LHPP: variants seen among roughly 807,000 people sequenced by gnomAD.
The protein encoded by LHPP is phospholysine phosphohistidine inorganic pyrophosphate phosphatase.
Under a neutral mutation model 30.3 loss-of-function variants are expected in LHPP, and 24 were observed. The observed-to-expected ratio is 0.79, with a 90% CI of 0.57 to 1.11. The LOEUF (loss-of-function observed/expected upper bound fraction) is 1.11, where lower values mean the gene tolerates loss of function less well. Among genes scored for constraint, LHPP ranks in the 50% most tolerant of loss-of-function variants. The pLI is 0.00. For missense variants in LHPP, 356 were observed against 367.2 expected (o/e 0.97, Z 0.25); for synonymous variants, 150 against 157.1 (o/e 0.95, Z 0.34).
At chr10:124,464,661 G>A (rs1952507710) in intron 1 of LHPP, among the ~76,000 whole-genome samples, 1 of 152,180 alleles carries the variant, frequency 6.6e-6, no homozygotes, top group African/African-American at 2.4e-5. Context: ...GGCACTGGTG[G>A]GAATCCAGCA....
At chr10:124,588,735 A>C (rs1193840891) in intron 6 of LHPP, among the ~76,000 whole-genome samples, 3 of 152,180 alleles carry the variant, frequency 2.0e-5, no homozygotes, top group African/African-American at 7.2e-5. Flanking sequence ...AGGTGACAGC[A>C]GCTTGCAGAG....
At chr10:124,552,809 C>T (rs1047187085) in intron 6 of LHPP, among the ~76,000 whole-genome samples, 1 of 152,216 alleles carries the variant, frequency 6.6e-6, no homozygotes, top group African/African-American at 2.4e-5. Context: ...ACAATCAGGA[C>T]GATCCCTTTA....
At chr10:124,569,328 T>G (rs911954036) in intron 6 of LHPP, among the ~76,000 whole-genome samples, 38 of 152,296 alleles carry the variant, frequency 2.5e-4, no homozygotes, top group African/African-American at 8.7e-4. Context: ...AATGAGGCCT[T>G]TCACCCCGTC....
At chr10:124,551,136 A>G (rs573485182) in intron 6 of LHPP, among the ~76,000 whole-genome samples, 2 of 152,246 alleles carry the variant, frequency 1.3e-5, no homozygotes, top group South Asian at 2.1e-4. Context: ...CAGTGTCTCC[A>G]TGAAGTTGGG....
chr10:124,475,028 G>GTTTTTTTTTTTTTTT (rs536621289), intron 1 of LHPP, among the ~76,000 whole-genome samples: 8 of 9,640 alleles, frequency 8.3e-4, no homozygotes, highest in Admixed American at 2.9e-3. Flanking sequence ...TGCTTCTCAT[G>GTTTTTTTTTTTTTTT]TCTTTTTTTT....
chr10:124,563,782 G>GA (rs543754193), intron 6 of LHPP, among the ~76,000 whole-genome samples: 155 of 152,346 alleles, frequency 1.0e-3, no homozygotes, highest in African/African-American at 3.7e-3. Context: ...GAATGCCTAT[G>GA]ATAAGTGGCA....
Position 124,461,905 on chromosome 10 carries a change from C to T in LHPP, c.43C>T (p.Leu15=). The T allele has an allele frequency of 8.0e-7, 1 of 1,256,772 alleles. No homozygotes were observed. The highest frequency in any genetic ancestry group is 3.0e-5 in the East Asian group (1 of 32,988). 77.9% of individuals were successfully genotyped at this position (1,256,772 alleles called of 1,614,324 possible). A position where few individuals can be genotyped will look rare whatever the true frequency, so the allele number is the denominator to read the frequency against. ...GKRLAGVRGV[L]LDISGVLYDS... ...GCGGCTGGCTGGCGTGCGCGGGGTG[C>T]TGCTTGACATCTCGGGCGTGCTGTA... is the stretch of plus-strand genomic sequence containing the variant. Residue 15 remains leucine (L), a synonymous_variant, in exon 1 of 7, where the codon CTG becomes TTG. Coordinates refer to ENST00000368842, the MANE Select transcript of LHPP (RefSeq NM_022126.4).
chr10:124,573,214 T>C (rs1197988443), intron 6 of LHPP, among the ~76,000 whole-genome samples: 2 of 152,272 alleles, frequency 1.3e-5, no homozygotes, highest in Non-Finnish European at 2.9e-5. Flanking sequence ...TCATCCACTC[T>C]TCATCCAGTT....
chr10:124,559,615 G>C (rs1948358425), intron 6 of LHPP, among the ~76,000 whole-genome samples: 1 of 152,260 alleles, frequency 6.6e-6, no homozygotes, highest in Non-Finnish European at 1.5e-5. Context: ...TGCAACACTT[G>C]GAAATCCGGC....
chr10:124,530,244 C>G (rs1235924125), intron 6 of LHPP, among the ~76,000 whole-genome samples: 1 of 152,192 alleles, frequency 6.6e-6, no homozygotes, highest in East Asian at 1.9e-4. Flanking sequence ...GCGTCCCAGC[C>G]TGGTGGACCT....
intron 6 of LHPP, among the ~76,000 whole-genome samples, chr10:124,551,235 C>T (rs993441495): frequency 6.6e-6 from 1 of 152,136 alleles, no homozygotes; most frequent in Admixed American, 6.5e-5. Flanking sequence ...ATGAGCAACT[C>T]GCCTGGGGCC....
chr10:124,611,572 C>A (rs1025156576), intron 6 of LHPP, among the ~76,000 whole-genome samples: 6 of 151,738 alleles, frequency 4.0e-5, no homozygotes, highest in African/African-American at 1.2e-4. Flanking sequence ...AAAAGGTATA[C>A]CCTCACAGTC....
intron 6 of LHPP, among the ~76,000 whole-genome samples, chr10:124,542,619 G>C (rs546913168): frequency 6.6e-6 from 1 of 152,170 alleles, no homozygotes; most frequent in Non-Finnish European, 1.5e-5. Flanking sequence ...CAGCCTGGGG[G>C]AGGGGGCAGT....
intron 6 of LHPP, among the ~76,000 whole-genome samples, chr10:124,588,787 C>T (rs962954445): frequency 1.3e-5 from 2 of 152,160 alleles, no homozygotes; most frequent in African/African-American, 4.8e-5. Flanking sequence ...GAGACATGCC[C>T]TACCCCAAGG....
At chr10:124,521,119 G>A (rs1267961459) in intron 6 of LHPP, among the ~76,000 whole-genome samples, 2 of 152,168 alleles carry the variant, frequency 1.3e-5, no homozygotes, top group Non-Finnish European at 2.9e-5. Flanking sequence ...TGCTGGAGGG[G>A]CGTGGGGTCC....
chr10:124,558,461 T>C (rs1024418363), intron 6 of LHPP, among the ~76,000 whole-genome samples: 2 of 152,238 alleles, frequency 1.3e-5, no homozygotes, highest in Non-Finnish European at 1.5e-5. Context: ...GACGTGGCCC[T>C]CTGAGCTGCT....
intron 6 of LHPP, among the ~76,000 whole-genome samples, chr10:124,540,290 C>A (rs1955150029): frequency 6.6e-6 from 1 of 152,236 alleles, no homozygotes; most frequent in Admixed American, 6.5e-5. Context: ...CCTGCCCTGG[C>A]CCTCCAGGTC....
At chr10:124,472,217 G>A (rs1015669218) in intron 1 of LHPP, among the ~76,000 whole-genome samples, 3 of 151,922 alleles carry the variant, frequency 2.0e-5, no homozygotes, top group East Asian at 1.9e-4. Context: ...GGAGGCTGAG[G>A]CGTGAGAATT....
chr10:124,506,264 C>CA, intron 5 of LHPP, among the ~76,000 whole-genome samples: 3 of 66,498 alleles, frequency 4.5e-5, no homozygotes, highest in Admixed American at 1.8e-4. Flanking sequence ...AAACAACAAA[C>CA]CCCCCCCCCA....
Sources: gnomAD v4.1 joint callset for allele counts (sites outside exome capture counted in the v4.1 genomes callset) on GRCh38, gnomAD v4.1.1 for gene constraint, MANE v1.5 for transcripts, NCBI Gene and HGNC (gene_info 2026-07-23, HGNC 2026-07-21) for gene names.